The following HPGDS variants were observed in gnomAD, a reference collection of about 807,000 sequenced individuals.
HPGDS encodes GST class-sigma.
Under a neutral mutation model 23.1 loss-of-function variants are expected in HPGDS, and 26 were observed. The observed-to-expected ratio is 1.13, with a 90% CI of 0.83 to 1.56. The LOEUF is 1.56. Ranked by LOEUF, HPGDS falls within the 40% of genes most tolerant of loss-of-function variation. The pLI, the probability that HPGDS is intolerant of heterozygous loss-of-function variation, is 0.00. For missense variants in HPGDS, 268 were observed against 236.4 expected (o/e 1.13, Z -0.88); for synonymous variants, 95 against 77.9 (o/e 1.22, Z -1.16).
intron 3 of HPGDS, among the ~76,000 whole-genome samples, chr4:94,315,607 T>C (rs1451980456): frequency 1.3e-5 from 2 of 152,218 alleles, no homozygotes; most frequent in Middle Eastern, 3.4e-3. Context: ...CTAAAATGGA[T>C]TGCTTTTGTA....
chr4:94,307,811 G>A (rs1756167036), intron 4 of HPGDS, among the ~76,000 whole-genome samples: 1 of 151,878 alleles, frequency 6.6e-6, no homozygotes, highest in Admixed American at 6.6e-5. Flanking sequence ...AGGAAGAAAA[G>A]TGAGAAAGAA....
chr4:94,330,161 T>G (rs368882863), intron 2 of HPGDS, among the ~76,000 whole-genome samples: 34 of 152,290 alleles, frequency 2.2e-4, no homozygotes, highest in African/African-American at 7.9e-4. Flanking sequence ...GGAAGAAAAC[T>G]TAATTGTCCT....
intron 3 of HPGDS, among the ~76,000 whole-genome samples, chr4:94,315,834 T>C (rs1347686666): frequency 6.6e-6 from 1 of 152,202 alleles, no homozygotes; most frequent in African/African-American, 2.4e-5. Context: ...CTCATTTTCA[T>C]CCCTACTTTG....
chr4:94,326,418 T>G (rs927999227), intron 2 of HPGDS, among the ~76,000 whole-genome samples: 2 of 152,262 alleles, frequency 1.3e-5, no homozygotes, highest in Non-Finnish European at 2.9e-5. Context: ...TTCTTTTATT[T>G]TTTTCTTTGG....
At chr4:94,324,656 C>T (rs1013946480) in intron 2 of HPGDS, among the ~76,000 whole-genome samples, 6 of 151,918 alleles carry the variant, frequency 3.9e-5, no homozygotes, top group Admixed American at 2.0e-4. Flanking sequence ...ATTAACCATT[C>T]GTCTAATCTT....
chr4:94,310,512 G>C (rs1360317373), intron 3 of HPGDS, among the ~76,000 whole-genome samples: 1 of 152,180 alleles, frequency 6.6e-6, no homozygotes, highest in Non-Finnish European at 1.5e-5. Flanking sequence ...TTTGGTACCA[G>C]TACCATGCTG....
intron 2 of HPGDS, among the ~76,000 whole-genome samples, chr4:94,333,205 T>G (rs1048884735): frequency 6.6e-6 from 1 of 152,340 alleles, no homozygotes; most frequent in Admixed American, 6.5e-5. Context: ...AAACTGCTCC[T>G]TAGTAGTACC....
At chr4:94,318,001 C>T in intron 2 of HPGDS, 36 bp from the exon 3 acceptor site, 2 of 1,225,542 alleles carry the variant, frequency 1.6e-6, no homozygotes, top group Non-Finnish European at 1.2e-6. Flanking sequence ...AACTTCATAA[C>T]AAAACCAGAA....
chr4:94,314,516 G>T (rs976819515), intron 3 of HPGDS, among the ~76,000 whole-genome samples: 10 of 152,174 alleles, frequency 6.6e-5, no homozygotes, highest in Admixed American at 1.3e-4. Context: ...TCTCAGAGGG[G>T]TACCCGGCCA....
At chr4:94,300,543 G>A (rs1209356881) in intron 5 of HPGDS, among the ~76,000 whole-genome samples, 2 of 152,180 alleles carry the variant, frequency 1.3e-5, no homozygotes, top group African/African-American at 2.4e-5. Flanking sequence ...GCCAAGAGAA[G>A]CTACTGGCTG....
At chr4:94,303,895 T>C (rs981274348) in intron 4 of HPGDS, 1 of 152,164 alleles carries the variant, frequency 6.6e-6, no homozygotes, top group African/African-American at 2.4e-5. Flanking sequence ...CCAGATTGTC[T>C]TTGTAAGTTT....
At position 94,326,557 on chromosome 4, in the gene HPGDS, AT is replaced by A. The variant is rs374198904; in HGVS notation, c.133+7939del. On this transcript the variant is annotated intron_variant, in intron 2 of 5. Transcript: ENST00000295256. ...ATTCTTTAGCTCCAGAATTGTTTGGATTTTTTTTATAATATCTATCTGTTAT... is the reference window on the plus strand; with the variant it reads ...ATTCTTTAGCTCCAGAATTGTTTGGATTTTTTTATAATATCTATCTGTTAT... Among the ~76,000 whole-genome samples the A allele has an allele frequency of 8.5e-3, 1,297 of 151,902 alleles. 8 individuals carry two copies. The highest frequency in any genetic ancestry group is 0.055 in the Middle Eastern group (16 of 292).
At chr4:94,319,167 T>C (rs1017112774) in intron 2 of HPGDS, among the ~76,000 whole-genome samples, 10 of 152,226 alleles carry the variant, frequency 6.6e-5, no homozygotes, top group African/African-American at 2.4e-4. Flanking sequence ...TTAGAATCTA[T>C]CTCTAACTTC....
At chr4:94,341,471 A>G (rs1406506417) in intron 1 of HPGDS, among the ~76,000 whole-genome samples, 1 of 152,222 alleles carries the variant, frequency 6.6e-6, no homozygotes, top group Admixed American at 6.5e-5. Context: ...TTCAGCCGAA[A>G]TATTTTTAGT....
chr4:94,302,065 C>A, intron 5 of HPGDS, 81 bp downstream of exon 5: 3 of 1,009,110 alleles, frequency 3.0e-6, no homozygotes, highest in Non-Finnish European at 4.4e-6. Flanking sequence ...CTATAGGTAA[C>A]TTTTTTTCAG....
At position 94,310,062 on chromosome 4, in the gene HPGDS, T is replaced by G. The variant is rs556477375; in HGVS notation, c.227-1319A>C. On this transcript the variant is annotated intron_variant, in intron 3 of 5. Coordinates refer to ENST00000295256, the MANE Select transcript of HPGDS (RefSeq NM_014485.3). ...GTCAGATGAGTAGATTGCAAAAATT[T>G]TCTCCCATTCTGTAGGTTGCCTGTT... is the stretch of plus-strand genomic sequence containing the variant. 1.6e-3 allele frequency among the ~76,000 whole-genome samples: 243 copies of G among 152,314 alleles called. 1 individual carries two copies. Among genetic ancestry groups the G allele is most frequent in the African/African-American group, 5.6e-3 (231 of 41,570 alleles).
intron 1 of HPGDS, among the ~76,000 whole-genome samples, chr4:94,335,681 C>T (rs112993672): frequency 0.018 from 2,669 of 152,240 alleles, 41 homozygotes; most frequent in Middle Eastern, 0.024. Flanking sequence ...GTAATAATGA[C>T]TTTGATCTCA....
intron 2 of HPGDS, among the ~76,000 whole-genome samples, chr4:94,323,262 G>A (rs1334153155): frequency 6.6e-6 from 1 of 152,218 alleles, no homozygotes; most frequent in Non-Finnish European, 1.5e-5. Flanking sequence ...GGAGAGTTCT[G>A]TAGTTGTCTG....
intron 2 of HPGDS, among the ~76,000 whole-genome samples, chr4:94,323,109 T>G (rs1229580710): frequency 6.6e-6 from 1 of 152,256 alleles, no homozygotes; most frequent in Non-Finnish European, 1.5e-5. Context: ...CTAGTTTGAT[T>G]GCACTGTGGT....
Sources: gnomAD v4.1 joint callset for allele counts (sites outside exome capture counted in the v4.1 genomes callset) on GRCh38, gnomAD v4.1.1 for gene constraint, MANE v1.5 for transcripts, NCBI Gene and HGNC (gene_info 2026-07-23, HGNC 2026-07-21) for gene names.